The following ASIC2 variants were observed in gnomAD, a reference collection of about 807,000 sequenced individuals.
The protein encoded by ASIC2 is acid sensing ion channel subunit 2, also known as acid-sensing ion channel 2.
A neutral mutation model predicts 57.3 loss-of-function variants in ASIC2; 25 were observed. The ratio of observed to expected loss-of-function variants is 0.44; its 90% CI spans 0.32 to 0.61. ASIC2 has a LOEUF of 0.61. Ranked by LOEUF, ASIC2 falls within the 20% of genes least tolerant of loss-of-function variation. The pLI is 0.06. For synonymous variants in ASIC2, 319 were observed against 307.5 expected, an observed-to-expected ratio of 1.04 and a Z score of -0.39; for missense variants, 641 against 738.1, an observed-to-expected ratio of 0.87 and a Z score of 1.52.
intron 1 of ASIC2, among the ~76,000 whole-genome samples, chr17:34,132,386 G>C (rs1219258227): frequency 6.6e-6 from 1 of 152,140 alleles, no homozygotes; most frequent in African/African-American, 2.4e-5. Flanking sequence ...ACGGGTTGCG[G>C]CTGCTGGCTG....
chr17:33,797,098 C>G (rs547951865), intron 1 of ASIC2, among the ~76,000 whole-genome samples: 83 of 152,286 alleles, frequency 5.5e-4, no homozygotes, highest in African/African-American at 2.0e-3. Flanking sequence ...CACTCAGTGC[C>G]ATAGTTTCAC....
chr17:33,506,120 T>C lies in ASIC2; in HGVS notation c.556-394053A>G, dbSNP rs534910976. Among the ~76,000 whole-genome samples the C allele has an allele frequency of 1.0e-3, 154 of 150,672 alleles. No individual in the cohort carries two copies. The South Asian group carries it at 0.017, about 17-fold the overall frequency. On this transcript the variant is annotated intron_variant, in intron 1 of 9. Transcript: ENST00000359872. ...TAGAAATGAGGCTGGACAGGCTGGG[T>C]GTGGTGGCTCACGCCTGTAATCCCA...
intron 2 of ASIC2, among the ~76,000 whole-genome samples, chr17:33,102,181 A>G (rs1182424465): frequency 6.6e-6 from 1 of 152,232 alleles, no homozygotes; most frequent in Non-Finnish European, 1.5e-5. Context: ...ACTTCCTGAA[A>G]AAGTCTACAT....
At chr17:33,514,862 C>T (rs1283022930) in intron 1 of ASIC2, among the ~76,000 whole-genome samples, 1 of 152,182 alleles carries the variant, frequency 6.6e-6, no homozygotes, top group African/African-American at 2.4e-5. Context: ...GGCTGTGTGG[C>T]CATAGAGAAG....
intron 3 of ASIC2, among the ~76,000 whole-genome samples, chr17:33,077,512 T>A (rs948598262): frequency 5.3e-5 from 8 of 152,158 alleles, no homozygotes; most frequent in African/African-American, 1.9e-4. Context: ...GACAATTGAC[T>A]GCTATTAAAA....
At chr17:33,287,626 A>T (rs1905249724) in intron 1 of ASIC2, among the ~76,000 whole-genome samples, 1 of 152,190 alleles carries the variant, frequency 6.6e-6, no homozygotes, top group Non-Finnish European at 1.5e-5. Context: ...TGCAACAAAG[A>T]GAGGAGCTGC....
chr17:33,361,643 T>C (rs113165477), intron 1 of ASIC2, among the ~76,000 whole-genome samples: 1 of 152,182 alleles, frequency 6.6e-6, no homozygotes, highest in African/African-American at 2.4e-5. Flanking sequence ...CAGGATGATA[T>C]CCCCATTTTA....
chr17:33,928,924 C>T (rs1025891230), intron 1 of ASIC2, among the ~76,000 whole-genome samples: 2 of 152,070 alleles, frequency 1.3e-5, no homozygotes, highest in African/African-American at 2.4e-5. Context: ...GCTCCTGGCC[C>T]GTTTCTGGGA....
At chr17:34,077,019 A>G (rs1909691938) in intron 1 of ASIC2, among the ~76,000 whole-genome samples, 1 of 152,150 alleles carries the variant, frequency 6.6e-6, no homozygotes, top group African/African-American at 2.4e-5. Flanking sequence ...AACACCATAT[A>G]TTGCAGGTGA....
In ASIC2 at chr17:34,054,743, A is replaced by G. The variant is rs1439368512; in HGVS notation, c.555+101235T>C. Among the ~76,000 whole-genome samples the G allele has an allele frequency of 2.6e-5, 4 of 152,330 alleles. No homozygotes were observed. In the East Asian group the frequency reaches 7.7e-4, roughly 29 times the overall value. Reference sequence around the variant, plus strand: ...CTTAACCTCAGGGCTGAAGGAGATGACATAGGTGAAGGATAGCACTCACTG... The same window carrying G: ...CTTAACCTCAGGGCTGAAGGAGATGGCATAGGTGAAGGATAGCACTCACTG... On this transcript the variant is annotated intron_variant, in intron 1 of 9. Coordinates refer to the ASIC2 transcript ENST00000359872.
rs115985065 is a variant in ASIC2 at position 33,974,294 on chromosome 17, G to C, written c.555+181684C>G. ...AAGTCTCAGTGTCTTCAGCTACAAC[G>C]TTAAGGAAGCAGATTTAAAGATCTC... On this transcript the variant is annotated intron_variant, in intron 1 of 9. Transcript: ENST00000359872. Among the ~76,000 whole-genome samples the C allele has an allele frequency of 4.9e-3, 747 of 152,138 alleles. 5 individuals carry two copies. The highest frequency in any genetic ancestry group is 0.017 in the African/African-American group (708 of 41,484).
chr17:33,672,003 T>C lies in ASIC2; in HGVS notation c.555+483975A>G, dbSNP rs183148964. Among the ~76,000 whole-genome samples, 1,390 of 151,848 alleles carry C rather than the reference T, an allele frequency of 9.2e-3. 9 individuals are homozygous for C. The highest frequency in any genetic ancestry group is 0.021 in the African/African-American group (860 of 41,356). On this transcript the variant is annotated intron_variant, in intron 1 of 9. Coordinates refer to the ASIC2 transcript ENST00000359872. ...AATTGGAATCACATCAGTTCACTTT[T>C]CCCCCCCTATTCATTTGGAGGTTTG...
At chr17:34,128,415 G>C (rs189769735) in intron 1 of ASIC2, among the ~76,000 whole-genome samples, 5 of 152,164 alleles carry the variant, frequency 3.3e-5, no homozygotes, top group African/African-American at 9.7e-5. Flanking sequence ...GTCCCACTGT[G>C]CCTGCCTTGG....
At chr17:34,017,172 A>T (rs1410895743) in intron 1 of ASIC2, among the ~76,000 whole-genome samples, 1 of 152,204 alleles carries the variant, frequency 6.6e-6, no homozygotes, top group Non-Finnish European at 1.5e-5. Context: ...ACATTTTGGG[A>T]ATTCTCACAA....
chr17:33,748,781 G>A (rs1910340859), intron 1 of ASIC2, among the ~76,000 whole-genome samples: 1 of 152,140 alleles, frequency 6.6e-6, no homozygotes, highest in Non-Finnish European at 1.5e-5. Flanking sequence ...TTCTTCCTTC[G>A]TGTGCCTCTT....
At chr17:33,317,630 G>A (rs893496891) in intron 1 of ASIC2, among the ~76,000 whole-genome samples, 1 of 152,118 alleles carries the variant, frequency 6.6e-6, no homozygotes, top group Non-Finnish European at 1.5e-5. Flanking sequence ...ACTGTGCTGA[G>A]TACCATGTGG....
intron 1 of ASIC2, among the ~76,000 whole-genome samples, chr17:34,107,037 G>A (rs1012166660): frequency 1.3e-5 from 2 of 151,902 alleles, no homozygotes; most frequent in Non-Finnish European, 2.9e-5. Context: ...ATACATGCAG[G>A]TGCATACATA....
intron 3 of ASIC2, among the ~76,000 whole-genome samples, chr17:33,072,168 C>A (rs565252193): frequency 6.6e-6 from 1 of 152,290 alleles, no homozygotes; most frequent in East Asian, 1.9e-4. Flanking sequence ...CTGGGTCCCC[C>A]TCCCTGTGCA....
At chr17:34,045,920 G>A (rs1248703855) in intron 1 of ASIC2, among the ~76,000 whole-genome samples, 4 of 152,154 alleles carry the variant, frequency 2.6e-5, no homozygotes, top group African/African-American at 9.7e-5. Flanking sequence ...GGAATATGGA[G>A]GTAGTATCAC....
Sources: gnomAD v4.1 joint callset for allele counts (sites outside exome capture counted in the v4.1 genomes callset) on GRCh38, gnomAD v4.1.1 for gene constraint, MANE v1.5 for transcripts, NCBI Gene and HGNC (gene_info 2026-07-23, HGNC 2026-07-21) for gene names.